GREB1L: variants seen among roughly 807,000 people sequenced by gnomAD.
GREB1L encodes GREB1-like protein.
In GREB1L, 17 loss-of-function variants were observed where a neutral mutation model predicts 200.8. The observed-to-expected ratio is 0.08, with a 90% CI of 0.06 to 0.13. The LOEUF is 0.13. GREB1L is among the 10% of genes least tolerant of loss of function. The probability of loss-of-function intolerance (pLI) is 1.00; values close to 1 mark genes in which losing one functional copy is unlikely to be tolerated. For missense variants in GREB1L, 1,657 were observed against 2,367.7 expected (o/e 0.70, Z 6.23); for synonymous variants, 789 against 893.0 (o/e 0.88, Z 2.08).
chr18:21,376,290 T>C (rs1170790804), intron 2 of GREB1L, among the ~76,000 whole-genome samples: 6 of 151,890 alleles, frequency 4.0e-5, no homozygotes, highest in Admixed American at 6.6e-5. Flanking sequence ...GGCTATTTTT[T>C]GTGTTTTTAG....
Position 21,505,844 on chromosome 18 carries a change from G to T in GREB1L, c.4263G>T (p.Arg1421Ser). Residue 1421 changes from arginine to serine, a missense_variant, in exon 25 of 33, where the codon AGG (arginine) becomes AGT (serine). By Grantham distance (110) the Arg-to-Ser change is moderately radical (BLOSUM62 -1). This residue lies in a region of GREB1L where 512 missense variants were observed against 668.3 expected (regional missense o/e 0.77). Coordinates refer to ENST00000424526, the MANE Select transcript of GREB1L (RefSeq NM_001142966.3). Reference protein sequence around the residue: ...VIKESKVEEPRKRETVSIMLT... With the variant: ...VIKESKVEEPSKRETVSIMLT... ...AGGAATCCAAAGTTGAAGAGCCCAG[G>T]AAACGGGAAACTGTATCCATAATGC... 2.6e-6 allele frequency: 4 copies of T among 1,551,844 alleles called. No individual in the cohort carries two copies. Among genetic ancestry groups the T allele is most frequent in the Non-Finnish European group, 3.5e-6 (4 of 1,146,986 alleles).
At chr18:21,334,994 A>G (rs2039163545) in intron 1 of GREB1L, among the ~76,000 whole-genome samples, 1 of 152,188 alleles carries the variant, frequency 6.6e-6, no homozygotes, top group African/African-American at 2.4e-5. Flanking sequence ...CAATCAATTT[A>G]TCCCCCCACT....
intron 32 of GREB1L, among the ~76,000 whole-genome samples, chr18:21,521,154 G>A (rs1056273039): frequency 9.2e-5 from 14 of 151,936 alleles, no homozygotes; most frequent in African/African-American, 2.7e-4. Flanking sequence ...CTGAGATCAC[G>A]CCACTGCACT....
At chr18:21,420,779 C>G (rs1335568183) in intron 7 of GREB1L, among the ~76,000 whole-genome samples, 2 of 152,126 alleles carry the variant, frequency 1.3e-5, no homozygotes, top group East Asian at 1.9e-4. Flanking sequence ...CCATTTTATT[C>G]CTAGGTGTTT....
chr18:21,352,067 C>T (rs1383900007), intron 1 of GREB1L, among the ~76,000 whole-genome samples: 1 of 151,806 alleles, frequency 6.6e-6, no homozygotes, highest in Non-Finnish European at 1.5e-5. Context: ...AGGCTGGTCT[C>T]AAACTCCTGA....
chr18:21,281,562 C>T (rs2038270102), intron 1 of GREB1L, among the ~76,000 whole-genome samples: 1 of 152,092 alleles, frequency 6.6e-6, no homozygotes, highest in South Asian at 2.1e-4. Context: ...AGCTAATTGG[C>T]TAAAAACGTC....
chr18:21,521,516 G>A (rs1598966790), intron 32 of GREB1L, among the ~76,000 whole-genome samples: 1 of 152,116 alleles, frequency 6.6e-6, no homozygotes, highest in African/African-American at 2.4e-5. Context: ...GGGTTGTGCG[G>A]GGACTGTGCA....
intron 1 of GREB1L, among the ~76,000 whole-genome samples, chr18:21,315,165 C>CT (rs1417041973): frequency 6.6e-6 from 1 of 152,102 alleles, no homozygotes; most frequent in African/African-American, 2.4e-5. Flanking sequence ...TTATGGCTCA[C>CT]TTTAACGTCA....
intron 6 of GREB1L, among the ~76,000 whole-genome samples, chr18:21,402,859 G>A (rs1330094952): frequency 2.0e-5 from 3 of 151,776 alleles, no homozygotes; most frequent in Non-Finnish European, 4.4e-5. Context: ...TGTGAAAGAA[G>A]CCTCACGTTT....
At chr18:21,453,019 A>G (rs1202666720) in intron 14 of GREB1L, among the ~76,000 whole-genome samples, 5 of 152,224 alleles carry the variant, frequency 3.3e-5, no homozygotes, top group Admixed American at 6.5e-5. Context: ...TGACTTCTCA[A>G]TGGTATTTGG....
intron 1 of GREB1L, among the ~76,000 whole-genome samples, chr18:21,365,711 T>C (rs550883225): frequency 6.6e-6 from 1 of 152,308 alleles, no homozygotes; most frequent in Admixed American, 6.5e-5. Context: ...TTTGATATTA[T>C]GGTAACATCT....
chr18:21,396,365 C>A (rs1162592923), intron 5 of GREB1L, among the ~76,000 whole-genome samples: 2 of 152,094 alleles, frequency 1.3e-5, no homozygotes, highest in African/African-American at 2.4e-5. Context: ...TATTAATTCT[C>A]AAAACACTTA....
intron 1 of GREB1L, among the ~76,000 whole-genome samples, chr18:21,305,549 C>T (rs144928931): frequency 1.6e-3 from 246 of 152,206 alleles, no homozygotes; most frequent in Admixed American, 3.1e-3. Context: ...TTCCCATGTT[C>T]ATATTCTCAT....
rs1173498818 is a variant in GREB1L, at chr18:21,473,582, AAAAAAG to A, written c.2363+375_2363+380del. On this transcript the variant is annotated intron_variant, in intron 16 of 32. Coordinates refer to ENST00000424526, the MANE Select transcript of GREB1L (RefSeq NM_001142966.3). ...AGACTTTGTCTCAAAAAAAAAAAAA[AAAAAAG>A]AAAGAAAAGAAAATGTGTTAAAGGT... Among the ~76,000 whole-genome samples, 25 of 147,712 alleles carry A rather than the reference AAAAAAG, an allele frequency of 1.7e-4. 1 individual carries two copies. Among genetic ancestry groups the A allele is most frequent in the Admixed American group, 4.2e-4 (6 of 14,450 alleles).
intron 1 of GREB1L, among the ~76,000 whole-genome samples, chr18:21,258,789 A>G (rs1271114842): frequency 1.3e-5 from 2 of 152,230 alleles, no homozygotes; most frequent in Non-Finnish European, 2.9e-5. Flanking sequence ...ATTGATCATC[A>G]AATTTACTTA....
intron 15 of GREB1L, among the ~76,000 whole-genome samples, chr18:21,462,628 T>C (rs1365910704): frequency 6.6e-6 from 1 of 152,128 alleles, no homozygotes; most frequent in African/African-American, 2.4e-5. Context: ...TTTTGTATTT[T>C]TGGTAGAGAC....
At chr18:21,293,382 T>G (rs2038479655) in intron 1 of GREB1L, among the ~76,000 whole-genome samples, 1 of 152,188 alleles carries the variant, frequency 6.6e-6, no homozygotes, top group Admixed American at 6.5e-5. Context: ...ATAAAATCTC[T>G]TTAATGGGAA....
chr18:21,322,160 AAAGT>A (rs2038960786), intron 1 of GREB1L, among the ~76,000 whole-genome samples: 6 of 152,260 alleles, frequency 3.9e-5, no homozygotes. Context: ...TTTAAATGTG[AAAGT>A]AAGTAGCGTA....
At chr18:21,299,526 T>C (rs903491506) in intron 1 of GREB1L, among the ~76,000 whole-genome samples, 2 of 151,748 alleles carry the variant, frequency 1.3e-5, no homozygotes, top group African/African-American at 4.8e-5. Flanking sequence ...GGTTTCTTTT[T>C]TTTTTTTTCT....
Sources: allele counts gnomAD v4.1 joint callset (sites outside exome capture counted in the v4.1 genomes callset), GRCh38; gene constraint gnomAD v4.1.1; regional missense constraint gnomAD v4.1.1; transcripts MANE v1.5; gene names NCBI Gene and HGNC (gene_info 2026-07-23, HGNC 2026-07-21).